Variants in RMDN1 observed in about 807,000 individuals in gnomAD.
The protein encoded by RMDN1 is regulator of microtubule dynamics protein 1.
RMDN1 carries 48 observed loss-of-function variants against 48.9 expected under a neutral mutation model. That is an observed-to-expected ratio of 0.98 (90% CI 0.78 to 1.25). RMDN1 has a LOEUF of 1.25. Ranked by LOEUF, RMDN1 falls within the 50% of genes most tolerant of loss-of-function variation. The probability of loss-of-function intolerance (pLI) is 0.00; values close to 1 mark genes in which losing one functional copy is unlikely to be tolerated. For synonymous variants in RMDN1, 148 were observed against 132.6 expected, an observed-to-expected ratio of 1.12 and a Z score of -0.80; for missense variants, 418 against 373.4, an observed-to-expected ratio of 1.12 and a Z score of -0.98.
At chr8:86,489,770 C>A (rs1816164338) in intron 2 of RMDN1, among the ~76,000 whole-genome samples, 5 of 145,220 alleles carry the variant, frequency 3.4e-5, no homozygotes, top group African/African-American at 5.2e-5. Context: ...GCAGAGGTTG[C>A]AGTGAGCCAT....
Position 86,475,077 on chromosome 8 carries a change from A to T in RMDN1, c.761-124T>A, listed in dbSNP as rs972721516. ...TCAATAAGTGATTAGACTAATGGGA[A>T]TTCTCTTTTGTTCAACTGTTTATAT... is the stretch of plus-strand genomic sequence containing the variant. On this transcript the variant is annotated intron_variant, in intron 8 of 9. Coordinates refer to ENST00000406452, the MANE Select transcript of RMDN1 (RefSeq NM_016033.3). 1.3e-5 allele frequency: 9 copies of T among 710,270 alleles called. No homozygotes were observed. In the Admixed American group the frequency reaches 1.6e-4, roughly 12 times the overall value. 44.0% of individuals were successfully genotyped at this position (710,270 alleles called of 1,614,324 possible).
intron 2 of RMDN1, among the ~76,000 whole-genome samples, chr8:86,503,371 CAA>C (rs1182231210): frequency 2.9e-5 from 2 of 68,036 alleles, no homozygotes; most frequent in Non-Finnish European, 2.5e-5. Flanking sequence ...CAAAACAAAA[CAA>C]AAAAAAAAAA....
intron 2 of RMDN1, among the ~76,000 whole-genome samples, chr8:86,498,979 T>C (rs909167994): frequency 2.6e-5 from 4 of 152,074 alleles, no homozygotes; most frequent in African/African-American, 4.8e-5. Flanking sequence ...CACATGATCA[T>C]CTCAAAAGAC....
chr8:86,506,486 C>G (rs190387803), intron 2 of RMDN1, among the ~76,000 whole-genome samples: 2 of 152,288 alleles, frequency 1.3e-5, no homozygotes, highest in East Asian at 3.9e-4. Context: ...TAGTATGAGT[C>G]AATGTACAGT....
At chr8:86,492,524 G>A (rs1452603935) in intron 2 of RMDN1, among the ~76,000 whole-genome samples, 1 of 151,988 alleles carries the variant, frequency 6.6e-6, no homozygotes, top group East Asian at 1.9e-4. Context: ...ATGGTGGCAG[G>A]TGCCTATGAT....
At chr8:86,470,620 G>T (rs1017999787), downstream of RMDN1, among the ~76,000 whole-genome samples, 2 of 152,154 alleles carry the variant, frequency 1.3e-5, no homozygotes, top group Non-Finnish European at 2.9e-5. Context: ...AGCTTTATTT[G>T]TAATAGCTAA....
At chr8:86,504,620 C>G (rs1398813539) in intron 2 of RMDN1, 5 of 921,660 alleles carry the variant, frequency 5.4e-6, no homozygotes, top group Non-Finnish European at 7.3e-6. Flanking sequence ...GCTTTTTGTT[C>G]CATGCTCATG....
chr8:86,508,422 CTTAAG>C (rs996876351), intron 1 of RMDN1, 65 bp downstream of exon 1: 41 of 1,472,370 alleles, frequency 2.8e-5, no homozygotes, highest in Admixed American at 2.0e-4. Context: ...GCCGCCACCA[CTTAAG>C]TTAAGGGGGA....
chr8:86,472,286 C>A (rs1425173531), downstream of RMDN1: 1 of 610,968 alleles, frequency 1.6e-6, no homozygotes, highest in East Asian at 2.8e-5. Flanking sequence ...TTTCTGAGCA[C>A]CAAAATGATG....
chr8:86,478,919 C>T lies in RMDN1; in HGVS notation c.729+4G>A. On this transcript the variant is annotated splice_donor_region_variant and intron_variant, in intron 7 of 9. Coordinates refer to ENST00000406452, the MANE Select transcript of RMDN1 (RefSeq NM_016033.3). ...TACTAACTTAACAAAGGACATCATA[C>T]TACCTTCTCATAGGTGGAACTAGGA... The T allele has an allele frequency of 3.1e-6, 5 of 1,608,578 alleles. No individual in the cohort carries two copies. The highest frequency in any genetic ancestry group is 2.2e-5 in the East Asian group (1 of 44,840).
At chr8:86,472,314 C>T, downstream of RMDN1, 1 of 629,142 alleles carries the variant, frequency 1.6e-6, no homozygotes, top group Non-Finnish European at 2.8e-6. Context: ...TAGAAAATTC[C>T]ACATCTGACC....
At chr8:86,504,636 T>C in intron 2 of RMDN1, 2 of 896,790 alleles carry the variant, frequency 2.2e-6, no homozygotes, top group South Asian at 1.3e-5. Context: ...TCATGACTGT[T>C]TGTTATTAAA....
Position 86,486,611 on chromosome 8 carries a change from C to T in RMDN1, c.368G>A (p.Arg123Gln), listed in dbSNP as rs567301087. Residue 123 changes from arginine to glutamine, a missense_variant, in exon 4 of 10, where the codon CGG becomes CAG. Arg to Gln is a conservative substitution (Grantham distance 43). Transcript: ENST00000406452. The part of the protein sequence containing the change: ...EDAELLWRLA[R>Q]ASRDVAQLSR... ...AAGCTGAGCTACATCACGTGATGCC[C>T]GTGCCAAACGCCACAGTAACTCTGC... The T allele has an allele frequency of 4.7e-5, 75 of 1,602,792 alleles. No homozygotes were observed. The South Asian group carries it at 7.4e-4, about 16-fold the overall frequency.
chr8:86,468,907 A>G (rs1396922670), downstream of RMDN1, among the ~76,000 whole-genome samples: 1 of 152,080 alleles, frequency 6.6e-6, no homozygotes, highest in Non-Finnish European at 1.5e-5. Context: ...TGCTGGACTA[A>G]CCGAAAGAAA....
chr8:86,509,114 TGAA>T (rs1819896230), upstream of RMDN1, among the ~76,000 whole-genome samples: 1 of 152,050 alleles, frequency 6.6e-6, no homozygotes, highest in Non-Finnish European at 1.5e-5. Flanking sequence ...TTGCCCAACA[TGAA>T]GAAGGGAAAG....
chr8:86,478,767 T>A (rs911588188), intron 7 of RMDN1, 156 bp downstream of exon 7: 1 of 679,226 alleles, frequency 1.5e-6, no homozygotes, highest in African/African-American at 1.8e-5. Context: ...CAGTCAAGGA[T>A]AATAAGTGTT....
chr8:86,470,320 T>C (rs1349216729), downstream of RMDN1: 1 of 1,289,278 alleles, frequency 7.8e-7, no homozygotes, highest in African/African-American at 1.5e-5. Context: ...AAGGAGAATG[T>C]AAGGGATTCC....
At chr8:86,472,277 T>G, downstream of RMDN1, 1 of 607,918 alleles carries the variant, frequency 1.6e-6, no homozygotes, top group Non-Finnish European at 2.9e-6. Flanking sequence ...ATTCAAAACT[T>G]TCTGAGCACC....
chr8:86,504,933 A>G lies in RMDN1; in HGVS notation c.247+2062T>C, dbSNP rs145736418. ...CTTTACCTTCTTCAAAGTCCCTGAG[A>G]CCCATGGCAGGGCTTTTGAGGATAT... On this transcript the variant is annotated intron_variant, in intron 2 of 9. Transcript: ENST00000406452. 2.1e-4 allele frequency: 254 copies of G among 1,236,780 alleles called. 2 individuals are homozygous for G. The African/African-American group carries it at 3.0e-3, about 15-fold the overall frequency. The allele number at this position is 1,236,780 out of a possible 1,614,324, so 76.6% of individuals were successfully genotyped here.
Sources: gnomAD v4.1 joint callset for allele counts (sites outside exome capture counted in the v4.1 genomes callset) on GRCh38, gnomAD v4.1.1 for gene constraint, MANE v1.5 for transcripts, NCBI Gene and HGNC (gene_info 2026-07-23, HGNC 2026-07-21) for gene names.